The following UCN3 variants were observed in gnomAD, a reference collection of about 807,000 sequenced individuals.
UCN3 encodes the protein urocortin-3.
Under a neutral mutation model 3.6 loss-of-function variants are expected in UCN3, and 3 were observed. The observed-to-expected ratio is 0.83, with a 90% confidence interval of 0.38 to 2.15. UCN3 has a LOEUF of 2.15. UCN3 is among the 30% of genes most tolerant of loss of function. UCN3 has a pLI of 0.06. For missense variants in UCN3, 206 were observed against 208.3 expected (o/e 0.99, Z 0.07); for synonymous variants, 100 against 93.2 (o/e 1.07, Z -0.42).
At position 5,373,795 on chromosome 10, in the gene UCN3, G is replaced by C. The variant is rs1554811765; in HGVS notation, c.75G>C (p.Lys25Asn). The C allele has an allele frequency of 1.2e-6, 2 of 1,613,900 alleles. No individual in the cohort carries two copies. The highest frequency in any genetic ancestry group is 1.7e-6 in the Non-Finnish European group (2 of 1,179,950). Residue 25 changes from lysine to asparagine, a missense_variant, in exon 2 of 2, where the codon AAG becomes AAC. Transcript: ENST00000380433. ...LGGPRTGLPH[K>N]FYKAKPIFSC... is the part of the protein sequence containing the mutation. Reference sequence around the variant, plus strand: ...GCCCCAGGACAGGCCTCCCCCACAAGTTCTACAAAGCCAAGCCCATCTTCA... The same window carrying C: ...GCCCCAGGACAGGCCTCCCCCACAACTTCTACAAAGCCAAGCCCATCTTCA...
chr10:5,367,773 T>G lies in UCN3; in HGVS notation c.-7+2543T>G, dbSNP rs943764026. Among the ~76,000 whole-genome samples the G allele has an allele frequency of 1.3e-5, 2 of 152,230 alleles. No individual in the cohort carries two copies. The highest frequency in any genetic ancestry group is 2.9e-5 in the Non-Finnish European group (2 of 68,040). The stretch of plus-strand genomic sequence containing the variant: ...AGTAGTCTGAGTTCTCAGTAATATT[T>G]GCAATTATTCTGCAAAGTTCTAAGT... On this transcript the variant is annotated intron_variant, in intron 1 of 1. Transcript: ENST00000380433. The surrounding 1 kb of genome is among the most constrained non-coding windows in gnomAD (Gnocchi z 4.3).
Position 5,370,567 on chromosome 10 carries a change from A to G in UCN3, c.-6-3148A>G, listed in dbSNP as rs1324271449. 6.0e-4 allele frequency among the ~76,000 whole-genome samples: 45 copies of G among 74,994 alleles called. 4 individuals carry two copies. Among genetic ancestry groups the G allele is most frequent in the Middle Eastern group, 0.026 (2 of 78 alleles). The allele number at this position is 74,994 out of a possible 152,430, so 49.2% of individuals were successfully genotyped here. A position where few individuals can be genotyped will look rare whatever the true frequency, so the allele number is the denominator to read the frequency against. ...TGTATATGTGTGTATATGTGTGTGT[A>G]TATGCGTGTATATGTGTGTATATGT... On this transcript the variant is annotated intron_variant, in intron 1 of 1. Transcript: ENST00000380433.
chr10:5,374,154 C>A lies in UCN3; in HGVS notation c.434C>A (p.Ala145Asp), dbSNP rs973722558. The A allele has an allele frequency of 6.2e-7, 1 of 1,612,576 alleles. No individual in the cohort carries two copies. Among genetic ancestry groups the A allele is most frequent in the African/African-American group, 1.3e-5 (1 of 74,576 alleles). ...FNIAKAKNLRAQAAANAHLMA... is the reference protein window; with the variant it reads ...FNIAKAKNLRDQAAANAHLMA... Reference sequence around the variant, plus strand: ...ATCGCCAAGGCCAAGAACCTGCGTGCCCAGGCGGCCGCCAATGCCCACCTG... The same window carrying A: ...ATCGCCAAGGCCAAGAACCTGCGTGACCAGGCGGCCGCCAATGCCCACCTG... Residue 145 changes from alanine (A) to aspartate (D), a missense_variant, in exon 2 of 2, where the codon GCC becomes GAC. Ala to Asp is a moderately radical substitution (Grantham distance 126). Coordinates refer to ENST00000380433, the MANE Select transcript of UCN3 (RefSeq NM_053049.4).
Position 5,373,995 on chromosome 10 carries a change from G to C in UCN3, c.275G>C (p.Gly92Ala), listed in dbSNP as rs1554811794. The C allele has an allele frequency of 6.2e-7, 1 of 1,610,510 alleles. No homozygotes were observed. Residue 92 changes from glycine (G) to alanine (A), a missense_variant, in exon 2 of 2, where the codon GGC becomes GCC. Transcript: ENST00000380433. ...TCTGGGGCCAGGGGTGGAGCCAGAGGCACCCGGTACAGATACGTGTCCCAA... is the reference window on the plus strand; with the variant it reads ...TCTGGGGCCAGGGGTGGAGCCAGAGCCACCCGGTACAGATACGTGTCCCAA... ...PISGARGGAR[G>A]TRYRYVSQAQ...
Position 5,366,697 on chromosome 10 carries a change from G to A in UCN3, c.-7+1467G>A, listed in dbSNP as rs183354642. On this transcript the variant is annotated intron_variant, in intron 1 of 1. Transcript: ENST00000380433. This position sits in a 1 kb window ranked among gnomAD's most constrained non-coding sequence, Gnocchi z 4.2. ...TGCAAAGAACCCTTACATTTTAAAC[G>A]ATCTAAAACTAAGCTCAGCACCGGG... Among the ~76,000 whole-genome samples, 1 of 152,260 alleles carries A rather than the reference G, an allele frequency of 6.6e-6. No homozygotes were observed. Among genetic ancestry groups the A allele is most frequent in the Middle Eastern group, 3.4e-3 (1 of 294 alleles).
In UCN3 at chr10:5,366,803, AC is replaced by A. The variant is rs1285987233; in HGVS notation, c.-7+1575del. 6.6e-6 allele frequency among the ~76,000 whole-genome samples: 1 copy of A among 152,178 alleles called. No homozygotes were observed. The highest frequency in any genetic ancestry group is 1.5e-5 in the Non-Finnish European group (1 of 68,042). Reference sequence around the variant, plus strand: ...GCATCATTGCTGATGGTAAGGGGACACCTTTCAATACCCTCACAACCGTGTG... The same window carrying A: ...GCATCATTGCTGATGGTAAGGGGACACTTTCAATACCCTCACAACCGTGTG... On this transcript the variant is annotated intron_variant, in intron 1 of 1. Coordinates refer to ENST00000380433, the MANE Select transcript of UCN3 (RefSeq NM_053049.4). This position sits in a 1 kb window ranked among gnomAD's most constrained non-coding sequence, Gnocchi z 4.2.
In UCN3 at chr10:5,369,862, G is replaced by GTGTGTGTGT. The variant is rs1554811024; in HGVS notation, c.-6-3853_-6-3852insTGTGTGTGT. 2.6e-3 allele frequency among the ~76,000 whole-genome samples: 259 copies of GTGTGTGTGT among 99,550 alleles called. 44 individuals are homozygous for GTGTGTGTGT. The highest frequency in any genetic ancestry group is 9.5e-3 in the African/African-American group (247 of 26,026). 65.3% of individuals were successfully genotyped at this position (99,550 alleles called of 152,430 possible). On this transcript the variant is annotated intron_variant, in intron 1 of 1. Coordinates refer to ENST00000380433, the MANE Select transcript of UCN3 (RefSeq NM_053049.4). ...TGCTGGGTAAACATTTATCCACGTG[G>GTGTGTGTGT]GTGTGTGTGTATATGTGTGTGTATA...
In UCN3 at chr10:5,367,234, G is replaced by A. The variant is rs552625394; in HGVS notation, c.-7+2004G>A. Among the ~76,000 whole-genome samples, 1 of 152,284 alleles carries A rather than the reference G, an allele frequency of 6.6e-6. No homozygotes were observed. The highest frequency in any genetic ancestry group is 1.9e-4 in the East Asian group (1 of 5,186). Reference sequence around the variant, plus strand: ...GAAAATTGCAGAAAGTTACTTAGACGAGGCTGTTTCATGTTCAGAAGCCCT... The same window carrying A: ...GAAAATTGCAGAAAGTTACTTAGACAAGGCTGTTTCATGTTCAGAAGCCCT... On this transcript the variant is annotated intron_variant, in intron 1 of 1. Coordinates refer to ENST00000380433, the MANE Select transcript of UCN3 (RefSeq NM_053049.4). The surrounding 1 kb of genome is among the most constrained non-coding windows in gnomAD (Gnocchi z 4.3).
At chr10:5,369,221 G>A (rs1185280125) in intron 1 of UCN3, among the ~76,000 whole-genome samples, 1 of 152,194 alleles carries the variant, frequency 6.6e-6, no homozygotes, top group African/African-American at 2.4e-5. Context: ...AGGATCAAAT[G>A]CTTGCTCAGA....
chr10:5,370,919 G>GTGTGTGTTTA (rs1831412366), intron 1 of UCN3, among the ~76,000 whole-genome samples: 2 of 142,234 alleles, frequency 1.4e-5, no homozygotes, highest in Admixed American at 1.5e-4. Context: ...GTGTGTATAT[G>GTGTGTGTTTA]CGTGTGTATA....
At chr10:5,371,200 GTGTA>G (rs1443929369) in intron 1 of UCN3, among the ~76,000 whole-genome samples, 3 of 150,870 alleles carry the variant, frequency 2.0e-5, no homozygotes, top group African/African-American at 7.4e-5. Flanking sequence ...CGTGTGAGGT[GTGTA>G]TGTGTGCATA....
intron 1 of UCN3, among the ~76,000 whole-genome samples, chr10:5,368,559 A>G (rs2132245546): frequency 6.6e-6 from 1 of 152,282 alleles, no homozygotes; most frequent in South Asian, 2.1e-4. Context: ...AGTGAAAGGA[A>G]AAAAGGGATG....
At chr10:5,368,305 G>A (rs775832571) in intron 1 of UCN3, among the ~76,000 whole-genome samples, 1 of 152,098 alleles carries the variant, frequency 6.6e-6, no homozygotes, top group Non-Finnish European at 1.5e-5. Context: ...AGTCCGGCCA[G>A]CACCCTCTAT....
chr10:5,371,020 TAC>T (rs202042762), intron 1 of UCN3, among the ~76,000 whole-genome samples: 2,131 of 149,158 alleles, frequency 0.014, 101 homozygotes, highest in African/African-American at 0.051. Flanking sequence ...TGCATATATA[TAC>T]GTGTGTGCAT....
At chr10:5,372,896 T>C (rs80312287) in intron 1 of UCN3, among the ~76,000 whole-genome samples, 7,978 of 151,982 alleles carry the variant, frequency 0.052, 329 homozygotes, top group East Asian at 0.12. Context: ...ATGGATTCAA[T>C]GGGTCCCTAG....
intron 1 of UCN3, among the ~76,000 whole-genome samples, chr10:5,372,971 T>A (rs752662517): frequency 6.6e-6 from 1 of 152,108 alleles, no homozygotes; most frequent in Non-Finnish European, 1.5e-5. Context: ...CCTGACTCAG[T>A]CTGACTGATA....
At position 5,366,584 on chromosome 10, in the gene UCN3, C is replaced by G. The variant is rs1331030478; in HGVS notation, c.-7+1354C>G. ...AAACCCTAAACAAATCTAAACAGAT[C>G]CTAAAAAGAAAAGTCCTGGAAAGAA... On this transcript the variant is annotated intron_variant, in intron 1 of 1. Coordinates refer to ENST00000380433, the MANE Select transcript of UCN3 (RefSeq NM_053049.4). This position sits in a 1 kb window ranked among gnomAD's most constrained non-coding sequence, Gnocchi z 4.2. 2.0e-5 allele frequency among the ~76,000 whole-genome samples: 3 copies of G among 152,158 alleles called. No homozygotes were observed. Among genetic ancestry groups the G allele is most frequent in the Non-Finnish European group, 2.9e-5 (2 of 68,030 alleles).
intron 1 of UCN3, among the ~76,000 whole-genome samples, chr10:5,370,238 CGTGT>C (rs1481033485): frequency 8.5e-5 from 1 of 11,722 alleles, no homozygotes; most frequent in Non-Finnish European, 1.5e-4. Flanking sequence ...TGTGTGTATG[CGTGT>C]GTGTATGCGT....
chr10:5,370,836 TGCGCGTGTGTGTGCGC>T (rs1432098896), intron 1 of UCN3, among the ~76,000 whole-genome samples: 1 of 103,948 alleles, frequency 9.6e-6, no homozygotes, highest in Non-Finnish European at 2.0e-5. Context: ...CGCGTGTGTG[TGCGCGTGTGTGTGCGC>T]GTGTGTGTGC....
Sources: gnomAD v4.1 joint callset for allele counts (sites outside exome capture counted in the v4.1 genomes callset) on GRCh38, gnomAD v4.1.1 for gene constraint, Gnocchi (gnomAD v3.1) non-coding constraint, MANE v1.5 for transcripts, NCBI Gene and HGNC (gene_info 2026-07-23, HGNC 2026-07-21) for gene names.